TAOK3: variants seen among roughly 807,000 people sequenced by gnomAD.
The protein encoded by TAOK3 is TAO kinase 3, also known as serine/threonine-protein kinase TAO3.
Under a neutral mutation model 120.4 loss-of-function variants are expected in TAOK3, and 40 were observed. The observed-to-expected ratio is 0.33, with a 90% CI of 0.26 to 0.43. TAOK3 has a LOEUF of 0.43. TAOK3 is among the 20% of genes least tolerant of loss of function. TAOK3 has a pLI of 1.00. For synonymous variants in TAOK3, 355 were observed against 387.5 expected, an observed-to-expected ratio of 0.92 and a Z score of 0.99; for missense variants, 821 against 1,112.1, an observed-to-expected ratio of 0.74 and a Z score of 3.72.
chr12:118,169,835 C>G (rs1429880841), intron 17 of TAOK3, among the ~76,000 whole-genome samples: 1 of 152,110 alleles, frequency 6.6e-6, no homozygotes, highest in Non-Finnish European at 1.5e-5. Context: ...ATTCTCCTGC[C>G]TCAGCCTCCC....
At chr12:118,179,944 C>CT (rs2036598289) in intron 15 of TAOK3, among the ~76,000 whole-genome samples, 1 of 121,562 alleles carries the variant, frequency 8.2e-6, no homozygotes, top group South Asian at 2.9e-4. Flanking sequence ...CCATGCCTGG[C>CT]TGGTTTTTTT....
intron 13 of TAOK3, among the ~76,000 whole-genome samples, chr12:118,197,711 G>A (rs1349149565): frequency 7.0e-5 from 8 of 114,452 alleles, no homozygotes; most frequent in Admixed American, 3.5e-4. Context: ...TTTTTGAGAC[G>A]GAGTCTCACT....
intron 9 of TAOK3, among the ~76,000 whole-genome samples, chr12:118,215,073 G>C (rs2038821246): frequency 1.3e-5 from 2 of 150,786 alleles, no homozygotes; most frequent in African/African-American, 4.9e-5. Context: ...TAGAGAGGGG[G>C]TTTCCTTATA....
At chr12:118,353,369 G>GC (rs2045256026) in intron 1 of TAOK3, among the ~76,000 whole-genome samples, 1 of 152,112 alleles carries the variant, frequency 6.6e-6, no homozygotes, top group African/African-American at 2.4e-5. Flanking sequence ...AAAAGGCAGA[G>GC]ACTTGAATGA....
chr12:118,321,200 T>C (rs1214907720), intron 1 of TAOK3, among the ~76,000 whole-genome samples: 5 of 152,162 alleles, frequency 3.3e-5, no homozygotes, highest in Non-Finnish European at 2.9e-5. Context: ...TATTACTATA[T>C]TGTTTAACAC....
At chr12:118,213,432 G>A (rs939145463) in intron 10 of TAOK3, among the ~76,000 whole-genome samples, 2 of 152,104 alleles carry the variant, frequency 1.3e-5, no homozygotes, top group African/African-American at 4.8e-5. Context: ...CCCAGGAGTA[G>A]GCTTCCTGAA....
intron 1 of TAOK3, among the ~76,000 whole-genome samples, chr12:118,356,690 ATCTCT>A (rs1425773286): frequency 6.6e-6 from 1 of 152,010 alleles, no homozygotes; most frequent in Admixed American, 6.6e-5. Context: ...AGGCAGGAGG[ATCTCT>A]TGAGGCCAGG....
chr12:118,284,035 C>T (rs1277956227), intron 1 of TAOK3, among the ~76,000 whole-genome samples: 2 of 151,668 alleles, frequency 1.3e-5, no homozygotes, highest in African/African-American at 4.8e-5. Context: ...AACATACAGG[C>T]CGGACAAAGA....
At chr12:118,273,978 T>G (rs1302663610) in intron 1 of TAOK3, among the ~76,000 whole-genome samples, 1 of 151,916 alleles carries the variant, frequency 6.6e-6, no homozygotes, top group Non-Finnish European at 1.5e-5. Context: ...AGGTAAAATC[T>G]TAACTTTACA....
In TAOK3 at chr12:118,372,845, G is replaced by A. The variant is rs1055525879; in HGVS notation, c.-391C>T. On this transcript the variant is annotated 5_prime_UTR_variant, in exon 1 of 21. Coordinates refer to ENST00000392533, the MANE Select transcript of TAOK3 (RefSeq NM_016281.4). The surrounding 1 kb of genome is among the most constrained non-coding windows in gnomAD (Gnocchi z 4.6). ...CCCACTCTCCACGCAGGACCCCGCC[G>A]CCCGGCGCCACAAGGACCCTCCCGC... is the stretch of plus-strand genomic sequence containing the variant. 1 of 153,448 alleles carries A rather than the reference G, an allele frequency of 6.5e-6. No individual in the cohort carries two copies. Among genetic ancestry groups the A allele is most frequent in the Non-Finnish European group, 1.4e-5 (1 of 69,442 alleles). 9.5% of individuals were successfully genotyped at this position (153,448 alleles called of 1,614,324 possible). A position where few individuals can be genotyped will look rare whatever the true frequency, so the allele number is the denominator to read the frequency against.
chr12:118,293,628 C>T (rs2042565416), intron 1 of TAOK3, among the ~76,000 whole-genome samples: 1 of 148,032 alleles, frequency 6.8e-6, no homozygotes, highest in Admixed American at 6.8e-5. Context: ...GAGCCGAGAT[C>T]ACACCATTGC....
At chr12:118,188,217 G>A (rs961270004) in intron 14 of TAOK3, among the ~76,000 whole-genome samples, 3 of 152,172 alleles carry the variant, frequency 2.0e-5, no homozygotes, top group South Asian at 2.1e-4. Context: ...CAACATGAAC[G>A]GGTCTGGATA....
At chr12:118,331,645 C>CAAAAAAAAAAAAAAAAAAAAAAAAAAAA (rs57291591) in intron 1 of TAOK3, among the ~76,000 whole-genome samples, 1 of 48,006 alleles carries the variant, frequency 2.1e-5, no homozygotes, top group Non-Finnish European at 4.7e-5. Flanking sequence ...ACTCTTATCT[C>CAAAAAAAAAAAAAAAAAAAAAAAAAAAA]AAAAAAAAAA....
At chr12:118,215,400 T>C (rs1479567668) in intron 9 of TAOK3, among the ~76,000 whole-genome samples, 1 of 148,458 alleles carries the variant, frequency 6.7e-6, no homozygotes, top group Non-Finnish European at 1.5e-5. Context: ...TAGTCCCAGC[T>C]ACTCGGGAGG....
At chr12:118,304,501 C>T (rs2042981654) in intron 1 of TAOK3, among the ~76,000 whole-genome samples, 1 of 151,990 alleles carries the variant, frequency 6.6e-6, no homozygotes, top group African/African-American at 2.4e-5. Flanking sequence ...TCTTCATACC[C>T]CAGTTTAGAA....
chr12:118,268,898 C>T (rs2041573433), intron 1 of TAOK3, among the ~76,000 whole-genome samples: 1 of 151,986 alleles, frequency 6.6e-6, no homozygotes, highest in African/African-American at 2.4e-5. Flanking sequence ...ATCCCAGCTA[C>T]TCGGGCAGCT....
rs377765808 is a variant in TAOK3, at chr12:118,226,512, G to A, written c.643+7162C>T. Among the ~76,000 whole-genome samples the A allele has an allele frequency of 1.4e-4, 21 of 149,084 alleles. No individual in the cohort carries two copies. The East Asian group carries it at 2.4e-3, about 17-fold the overall frequency. On this transcript the variant is annotated intron_variant, in intron 9 of 20. Coordinates refer to ENST00000392533, the MANE Select transcript of TAOK3 (RefSeq NM_016281.4). ...TCGTGCCACTGCACTCCAGCCTGGT[G>A]ACAGAGCGAGACTCCGTCTAAAAAA...
chr12:118,270,469 C>T (rs2041649689), intron 1 of TAOK3, among the ~76,000 whole-genome samples: 1 of 152,072 alleles, frequency 6.6e-6, no homozygotes. Context: ...ATAACTTTAC[C>T]TAACGAACAT....
At chr12:118,235,446 G>C (rs16948195) in intron 8 of TAOK3, 112 bp downstream of exon 8, 2 of 710,338 alleles carry the variant, frequency 2.8e-6, no homozygotes, top group East Asian at 2.5e-5. Context: ...ATGAAACCTC[G>C]TTTTGAGGCA....
Sources: gnomAD v4.1 joint callset for allele counts (sites outside exome capture counted in the v4.1 genomes callset) on GRCh38, gnomAD v4.1.1 for gene constraint, Gnocchi (gnomAD v3.1) non-coding constraint, MANE v1.5 for transcripts, NCBI Gene and HGNC (gene_info 2026-07-23, HGNC 2026-07-21) for gene names.